WNK3: variants seen among roughly 807,000 people sequenced by gnomAD.
WNK3 encodes serine/threonine-protein kinase WNK3.
Under a neutral mutation model 116.7 loss-of-function variants are expected in WNK3, and 18 were observed. That is an observed-to-expected ratio of 0.15 (90% CI 0.11 to 0.23). WNK3 has a LOEUF of 0.23. WNK3 is among the 10% of genes least tolerant of loss of function. WNK3 has a pLI of 1.00. For missense variants in WNK3, 993 were observed against 1,323.8 expected (o/e 0.75, Z 3.88); for synonymous variants, 404 against 469.4 (o/e 0.86, Z 1.80).
At chrX:54,339,379 A>G (rs1345690161) in intron 1 of WNK3, among the ~76,000 whole-genome samples, 1 of 111,472 alleles carries the variant, frequency 9.0e-6, no homozygotes, top group African/African-American at 3.3e-5. Flanking sequence ...CAATAGCAAA[A>G]TAGACATTCT....
At chrX:54,272,277 CA>C (rs1178828109) in intron 10 of WNK3, among the ~76,000 whole-genome samples, 2 of 110,846 alleles carry the variant, frequency 1.8e-5, no homozygotes, top group East Asian at 5.6e-4. Context: ...AGCAGGTCCT[CA>C]AAAAATGTCA....
chrX:54,336,852 G>A (rs2069244999), intron 1 of WNK3, among the ~76,000 whole-genome samples: 1 of 111,095 alleles, frequency 9.0e-6, no homozygotes, highest in African/African-American at 3.3e-5. Flanking sequence ...GAGTCTTACG[G>A]TGACTCACAA....
rs1272829946 is a variant in WNK3, at chrX:54,233,464, C to T, written c.4629-444G>A. The stretch of plus-strand genomic sequence containing the variant: ...AAAAAAAAAAGAAAGAAAGAGAGAG[C>T]GAGAGAGAGAGGGAGGGAGGGAGGG... On this transcript the variant is annotated intron_variant, in intron 20 of 23. Transcript: ENST00000354646. 7.7e-5 allele frequency among the ~76,000 whole-genome samples: 5 copies of T among 65,052 alleles called. No homozygotes were observed. In the East Asian group the frequency reaches 2.6e-3, roughly 34 times the overall value. The allele number at this position is 65,052 out of a possible 115,157, so 56.5% of individuals were successfully genotyped here.
At chrX:54,294,650 C>T in exon 8 of WNK3, 1 of 1,208,722 alleles carries the variant, frequency 8.3e-7, no homozygotes, top group Non-Finnish European at 1.1e-6. Flanking sequence ...CCCCAGTTTG[C>T]TGAGCGGGAG....
chrX:54,312,778 C>T (rs1318228142), intron 2 of WNK3, among the ~76,000 whole-genome samples: 2 of 111,216 alleles, frequency 1.8e-5, no homozygotes, highest in East Asian at 5.6e-4. Flanking sequence ...GCCCTATTTT[C>T]TTCATCAGGT....
At chrX:54,252,006 G>T (rs2068136320) in intron 13 of WNK3, among the ~76,000 whole-genome samples, 1 of 104,546 alleles carries the variant, frequency 9.6e-6, no homozygotes, top group African/African-American at 3.5e-5. Flanking sequence ...CGGAGGTTAT[G>T]GTGAGCTGAG....
chrX:54,241,131 GA>G (rs1557151463), intron 17 of WNK3, among the ~76,000 whole-genome samples: 2 of 111,662 alleles, frequency 1.8e-5, no homozygotes, highest in Non-Finnish European at 3.8e-5. Flanking sequence ...GGCCAAGAAA[GA>G]GGTCAACGAT....
chrX:54,234,825 CAAAA>C (rs782143289), intron 20 of WNK3, among the ~76,000 whole-genome samples: 1 of 60,508 alleles, frequency 1.7e-5, no homozygotes, highest in Non-Finnish European at 3.1e-5. Context: ...GACTCCGTCT[CAAAA>C]AAAAAAAAAA....
intron 21 of WNK3, among the ~76,000 whole-genome samples, chrX:54,232,499 T>C (rs1014654379): frequency 3.6e-5 from 4 of 111,735 alleles, no homozygotes; most frequent in African/African-American, 1.3e-4. Flanking sequence ...CTCTAAATGC[T>C]AGACCAGAAG....
At chrX:54,253,139 C>T (rs2068153476) in intron 13 of WNK3, among the ~76,000 whole-genome samples, 1 of 107,632 alleles carries the variant, frequency 9.3e-6, no homozygotes, top group South Asian at 4.1e-4. Context: ...ATCGAAATAT[C>T]TCATGTACCT....
intron 10 of WNK3, among the ~76,000 whole-genome samples, chrX:54,271,902 G>A (rs1258443313): frequency 8.9e-6 from 1 of 111,748 alleles, no homozygotes; most frequent in Non-Finnish European, 1.9e-5. Flanking sequence ...GGAGAGGGCT[G>A]AATAATGTCA....
At chrX:54,226,772 G>A (rs1002612872) in intron 22 of WNK3, among the ~76,000 whole-genome samples, 1 of 110,452 alleles carries the variant, frequency 9.1e-6, no homozygotes, top group Non-Finnish European at 1.9e-5. Context: ...CCTGGGAGGC[G>A]GACGTTGCAG....
chrX:54,244,197 C>A (rs1557152246), intron 17 of WNK3, among the ~76,000 whole-genome samples: 2 of 111,625 alleles, frequency 1.8e-5, no homozygotes, highest in East Asian at 5.6e-4. Flanking sequence ...TTTAATGTCA[C>A]TGGATCGAAC....
At chrX:54,259,136 A>G (rs1466346997) in intron 11 of WNK3, 138 bp downstream of exon 11, 15 of 318,486 alleles carry the variant, frequency 4.7e-5, no homozygotes, top group Non-Finnish European at 1.6e-5. Context: ...AAAAAAAAAA[A>G]CTATCGTCTT....
intron 10 of WNK3, among the ~76,000 whole-genome samples, chrX:54,268,080 G>GCACACACACACACA (rs57010526): frequency 2.5e-5 from 2 of 80,792 alleles, no homozygotes; most frequent in Admixed American, 1.5e-4. Context: ...CTGAATGCGT[G>GCACACACACACACA]CACACACACA....
intron 1 of WNK3, among the ~76,000 whole-genome samples, chrX:54,355,041 G>A (rs1357535778): frequency 9.0e-6 from 1 of 111,027 alleles, no homozygotes; most frequent in Non-Finnish European, 1.9e-5. Context: ...CCAAGATCAC[G>A]CCACTGCACT....
exon 20 of WNK3, chrX:54,237,466 G>A: frequency 8.3e-7 from 1 of 1,202,788 alleles, no homozygotes; most frequent in Non-Finnish European, 1.1e-6. Context: ...TTCTTCACTA[G>A]AATGGTTTGT....
intron 2 of WNK3, among the ~76,000 whole-genome samples, chrX:54,317,266 TCTC>T (rs1283921938): frequency 1.8e-5 from 2 of 109,644 alleles, no homozygotes; most frequent in Admixed American, 9.8e-5. Context: ...TTCAAGCAAT[TCTC>T]CTGCCTCAGC....
At chrX:54,345,178 C>T (rs1465924660) in intron 1 of WNK3, among the ~76,000 whole-genome samples, 1 of 108,122 alleles carries the variant, frequency 9.2e-6, no homozygotes, top group African/African-American at 3.4e-5. Flanking sequence ...GGAGGCGGAG[C>T]TTGCAGTGAG....
Sources: gnomAD v4.1 joint callset for allele counts (sites outside exome capture counted in the v4.1 genomes callset) on GRCh38, gnomAD v4.1.1 for gene constraint, MANE v1.5 for transcripts, NCBI Gene and HGNC (gene_info 2026-07-23, HGNC 2026-07-21) for gene names.